The following DLG2 variants were observed in gnomAD, a reference collection of about 807,000 sequenced individuals.
DLG2 encodes the protein discs large MAGUK scaffold protein 2.
In DLG2, 45 loss-of-function variants were observed where a neutral mutation model predicts 132.5. That is an observed-to-expected ratio of 0.34 (90% CI 0.27 to 0.44). The LOEUF (loss-of-function observed/expected upper bound fraction) is 0.44. DLG2 is among the 20% of genes least tolerant of loss of function. DLG2 has a pLI of 1.00. For missense variants in DLG2, 1,045 were observed against 1,196.9 expected (o/e 0.87, Z 1.87); for synonymous variants, 424 against 419.6 (o/e 1.01, Z -0.13).
intron 16 of DLG2, among the ~76,000 whole-genome samples, chr11:83,849,330 A>C (rs1313910674): frequency 1.4e-5 from 2 of 140,654 alleles, no homozygotes; most frequent in East Asian, 4.0e-4. Context: ...ATAATAAATT[A>C]ATAAATAATA....
chr11:84,262,739 C>T (rs1203746010), intron 7 of DLG2, among the ~76,000 whole-genome samples: 1 of 152,162 alleles, frequency 6.6e-6, no homozygotes, highest in African/African-American at 2.4e-5. Flanking sequence ...TTTGCATCCT[C>T]AGAGCTTAGC....
intron 7 of DLG2, among the ~76,000 whole-genome samples, chr11:84,482,170 C>G (rs2099139521): frequency 6.6e-6 from 1 of 151,950 alleles, no homozygotes; most frequent in African/African-American, 2.4e-5. Flanking sequence ...TGCAACAAAA[C>G]AAAACAAAAC....
At chr11:84,224,677 C>T (rs993888539) in intron 8 of DLG2, among the ~76,000 whole-genome samples, 3 of 152,164 alleles carry the variant, frequency 2.0e-5, no homozygotes, top group Admixed American at 6.5e-5. Flanking sequence ...GGTTGCAGAA[C>T]CTAAATTCAA....
At chr11:84,000,309 C>G (rs2094279399) in intron 11 of DLG2, among the ~76,000 whole-genome samples, 1 of 151,756 alleles carries the variant, frequency 6.6e-6, no homozygotes, top group Non-Finnish European at 1.5e-5. Flanking sequence ...TGAAATAAAC[C>G]AGTCAGACAA....
intron 3 of DLG2, among the ~76,000 whole-genome samples, chr11:85,583,769 C>A (rs1389007752): frequency 1.3e-5 from 2 of 152,094 alleles, no homozygotes; most frequent in African/African-American, 4.8e-5. Flanking sequence ...TTGGTTGGTC[C>A]TTTTAGTCAA....
At chr11:85,472,031 G>C (rs1177824962) in intron 3 of DLG2, among the ~76,000 whole-genome samples, 1 of 152,128 alleles carries the variant, frequency 6.6e-6, no homozygotes, top group East Asian at 1.9e-4. Context: ...ACAAGGGTGG[G>C]TCCCTGGTGA....
At position 84,672,787 on chromosome 11, in the gene DLG2, C is replaced by T. The variant is rs2099707302; in HGVS notation, c.358-138056G>A. ...ATCCTGGTGTATTAGTCTGTTCTTG[C>T]ACTACTATGAAGAAATACCTAAGAC... On this transcript the variant is annotated intron_variant, in intron 6 of 27. Coordinates refer to ENST00000376104, the MANE Select transcript of DLG2 (RefSeq NM_001142699.3). 2.6e-5 allele frequency among the ~76,000 whole-genome samples: 4 copies of T among 151,992 alleles called. 1 individual carries two copies. The South Asian group carries it at 8.3e-4, about 32-fold the overall frequency.
At chr11:84,293,637 T>C (rs1033284827) in intron 7 of DLG2, among the ~76,000 whole-genome samples, 6 of 152,048 alleles carry the variant, frequency 3.9e-5, no homozygotes, top group African/African-American at 9.7e-5. Flanking sequence ...TCACAGGCCA[T>C]TGCACTCCAG....
At chr11:84,796,659 C>T (rs949940700) in intron 6 of DLG2, among the ~76,000 whole-genome samples, 12 of 151,812 alleles carry the variant, frequency 7.9e-5, no homozygotes, top group African/African-American at 2.2e-4. Context: ...GATATTTTTG[C>T]GGATAAACTA....
chr11:85,235,932 T>C (rs1361302927), intron 4 of DLG2, among the ~76,000 whole-genome samples: 1 of 151,806 alleles, frequency 6.6e-6, no homozygotes, highest in Non-Finnish European at 1.5e-5. Context: ...GAATATAGTT[T>C]ATGAAGCATT....
rs555504912 is a variant in DLG2, at chr11:83,563,695, AC to A, written c.1941-21838del. On this transcript the variant is annotated intron_variant, in intron 19 of 27. Transcript: ENST00000376104. ...ATCCTACAAGGGAGTAGGGTGAAAAACATCCTTATTTTATAGATGAGGAAAT... is the reference window on the plus strand; with the variant it reads ...ATCCTACAAGGGAGTAGGGTGAAAAAATCCTTATTTTATAGATGAGGAAAT... Among the ~76,000 whole-genome samples, 29 of 152,282 alleles carry A rather than the reference AC, an allele frequency of 1.9e-4. No individual in the cohort carries two copies. The East Asian group carries it at 5.4e-3, about 28-fold the overall frequency.
At chr11:83,824,183 C>T (rs1266125171) in intron 17 of DLG2, among the ~76,000 whole-genome samples, 1 of 152,124 alleles carries the variant, frequency 6.6e-6, no homozygotes, top group East Asian at 1.9e-4. Flanking sequence ...ATTTTATCTC[C>T]AATTCTCTAC....
chr11:84,907,842 G>T (rs1448830789), intron 6 of DLG2, among the ~76,000 whole-genome samples: 2 of 152,122 alleles, frequency 1.3e-5, no homozygotes, highest in African/African-American at 4.8e-5. Flanking sequence ...AAAAGTGCTG[G>T]ACATTAGCCT....
chr11:83,509,593 C>T (rs1239140428), intron 21 of DLG2, among the ~76,000 whole-genome samples: 2 of 152,128 alleles, frequency 1.3e-5, no homozygotes, highest in East Asian at 3.9e-4. Flanking sequence ...TCTCTCAAGC[C>T]ATTTCTTTTG....
chr11:85,528,656 G>A (rs1411645790), intron 3 of DLG2, among the ~76,000 whole-genome samples: 1 of 152,152 alleles, frequency 6.6e-6, no homozygotes, highest in Non-Finnish European at 1.5e-5. Flanking sequence ...TATGCTTCAT[G>A]AATAAATAAA....
chr11:85,419,375 C>G (rs1017599784), intron 3 of DLG2, among the ~76,000 whole-genome samples: 3 of 152,188 alleles, frequency 2.0e-5, no homozygotes, highest in African/African-American at 7.2e-5. Flanking sequence ...TTCATTTCAA[C>G]CTTAATAAAT....
At chr11:85,621,090 AAG>A (rs2081661092) in intron 2 of DLG2, among the ~76,000 whole-genome samples, 2 of 152,218 alleles carry the variant, frequency 1.3e-5, no homozygotes, top group Non-Finnish European at 2.9e-5. Context: ...TAGGGTCTTT[AAG>A]AATTATGCTA....
chr11:83,603,033 TATGTGTGTGC>T lies in DLG2; in HGVS notation c.1940+30168_1940+30177del, dbSNP rs768201988. Among the ~76,000 whole-genome samples the T allele has an allele frequency of 2.6e-5, 4 of 152,010 alleles. No homozygotes were observed. In the South Asian group the frequency reaches 6.2e-4, roughly 24 times the overall value. On this transcript the variant is annotated intron_variant, in intron 19 of 27. Transcript: ENST00000376104. ...AACCCAGTGACTGTGTGTGTGTGTGTATGTGTGTGCATGTGTGTGTATGTGTGTGTATGTG... is the reference window on the plus strand; with the variant it reads ...AACCCAGTGACTGTGTGTGTGTGTGTATGTGTGTGTATGTGTGTGTATGTG...
Position 85,285,299 on chromosome 11 carries a change from T to G in DLG2, c.107A>C (p.Glu36Ala). The G allele has an allele frequency of 1.9e-6, 3 of 1,612,116 alleles. No homozygotes were observed. Among genetic ancestry groups the G allele is most frequent in the Non-Finnish European group, 2.5e-6 (3 of 1,178,688 alleles). The change falls in exon 4 of 28, where the codon GAA becomes GCA. Residue 36 changes from glutamate (E) to alanine (A), a missense_variant. Transcript: ENST00000376104. ...CCATTTCTGTAAAACTTGATTGGCTTCTTCTATCTTCTGCTCACAACTTTT... is the reference window on the plus strand; with the variant it reads ...CCATTTCTGTAAAACTTGATTGGCTGCTTCTATCTTCTGCTCACAACTTTT... ...SQKSCEQKIE[E>A]ANQVLQKWEK...
Sources: gnomAD v4.1 joint callset for allele counts (sites outside exome capture counted in the v4.1 genomes callset) on GRCh38, gnomAD v4.1.1 for gene constraint, MANE v1.5 for transcripts, NCBI Gene and HGNC (gene_info 2026-07-23, HGNC 2026-07-21) for gene names.